Variants in ZMAT4 observed in about 807,000 individuals in gnomAD.
The protein encoded by ZMAT4 is zinc finger matrin-type 4.
ZMAT4 carries 17 observed loss-of-function variants against 28.7 expected under a neutral mutation model. That is an observed-to-expected ratio of 0.59 (90% CI 0.41 to 0.89). The LOEUF is 0.89. ZMAT4 is among the 40% of genes least tolerant of loss of function. The probability of loss-of-function intolerance (pLI) is 0.00; values close to 1 mark genes in which losing one functional copy is unlikely to be tolerated. For synonymous variants in ZMAT4, 117 were observed against 109.2 expected (o/e 1.07, Z -0.44); for missense variants, 240 against 283.8 (o/e 0.85, Z 1.11).
At chr8:40,878,265 C>T (rs1395530934) in intron 1 of ZMAT4, among the ~76,000 whole-genome samples, 3 of 152,144 alleles carry the variant, frequency 2.0e-5, no homozygotes, top group Non-Finnish European at 4.4e-5. Flanking sequence ...AACCTGTCCC[C>T]CCAGTCCTCA....
intron 3 of ZMAT4, among the ~76,000 whole-genome samples, chr8:40,766,511 A>T (rs1202292633): frequency 3.9e-5 from 6 of 152,206 alleles, no homozygotes; most frequent in Non-Finnish European, 8.8e-5. Context: ...GCTAAAAAAA[A>T]ACTAGACTCA....
intron 5 of ZMAT4, among the ~76,000 whole-genome samples, chr8:40,610,639 T>G (rs941932398): frequency 3.9e-5 from 6 of 152,154 alleles, no homozygotes; most frequent in African/African-American, 1.4e-4. Context: ...TACAATTTAA[T>G]TCGGTTATCT....
At chr8:40,533,736 T>G (rs2118347597) in intron 6 of ZMAT4, among the ~76,000 whole-genome samples, 1 of 152,384 alleles carries the variant, frequency 6.6e-6, no homozygotes, top group Middle Eastern at 3.4e-3. Context: ...TTGAAATGTT[T>G]GAAATTTTGC....
intron 5 of ZMAT4, among the ~76,000 whole-genome samples, chr8:40,596,857 G>A (rs1016048445): frequency 6.6e-6 from 1 of 152,176 alleles, no homozygotes; most frequent in Non-Finnish European, 1.5e-5. Flanking sequence ...CTCCCACAGA[G>A]AGGACGAAGG....
intron 3 of ZMAT4, among the ~76,000 whole-genome samples, chr8:40,725,944 C>T (rs1404155392): frequency 2.0e-5 from 3 of 152,234 alleles, no homozygotes; most frequent in Non-Finnish European, 4.4e-5. Flanking sequence ...ATCGGACCAG[C>T]TAAGCCAGGA....
chr8:40,689,154 A>G (rs963571772), intron 4 of ZMAT4, among the ~76,000 whole-genome samples: 3 of 152,234 alleles, frequency 2.0e-5, no homozygotes, highest in East Asian at 1.9e-4. Flanking sequence ...GACTTGGCCC[A>G]TGAAGAAAAC....
chr8:40,793,738 T>C (rs1814463237), intron 2 of ZMAT4, among the ~76,000 whole-genome samples: 1 of 152,166 alleles, frequency 6.6e-6, no homozygotes, highest in African/African-American at 2.4e-5. Context: ...TCTATGTCGT[T>C]TGTCTAAGCC....
chr8:40,751,868 A>G (rs1256227223), intron 3 of ZMAT4, among the ~76,000 whole-genome samples: 1 of 152,224 alleles, frequency 6.6e-6, no homozygotes, highest in Non-Finnish European at 1.5e-5. Context: ...ATAGGGCAGT[A>G]TTATGAAAAT....
chr8:40,720,965 GTGTTT>G (rs1330679467), intron 3 of ZMAT4, among the ~76,000 whole-genome samples: 19 of 138,812 alleles, frequency 1.4e-4, no homozygotes, highest in African/African-American at 4.9e-4. Flanking sequence ...TTGTTTATTT[GTGTTT>G]TGTTTGTTTG....
intron 5 of ZMAT4, among the ~76,000 whole-genome samples, chr8:40,654,560 TCAA>T (rs1318395385): frequency 1.3e-5 from 2 of 152,064 alleles, no homozygotes; most frequent in African/African-American, 4.8e-5. Flanking sequence ...ATCAAAATTC[TCAA>T]CAAAATGCTA....
At chr8:40,826,492 C>T (rs1816049380) in intron 1 of ZMAT4, among the ~76,000 whole-genome samples, 1 of 152,138 alleles carries the variant, frequency 6.6e-6, no homozygotes, top group Non-Finnish European at 1.5e-5. Context: ...TCAACAATCA[C>T]ATATTACTTT....
intron 5 of ZMAT4, among the ~76,000 whole-genome samples, chr8:40,599,800 G>A (rs554251921): frequency 7.7e-4 from 118 of 152,326 alleles, no homozygotes; most frequent in South Asian, 2.5e-3. Context: ...TAAGGAGAGT[G>A]GTGGGAGGCA....
At chr8:40,722,326 T>C (rs1215996018) in intron 3 of ZMAT4, among the ~76,000 whole-genome samples, 1 of 152,204 alleles carries the variant, frequency 6.6e-6, no homozygotes, top group African/African-American at 2.4e-5. Context: ...GGTGGAGGTT[T>C]CCTACACCTT....
chr8:40,611,358 T>C (rs1458921035), intron 5 of ZMAT4, among the ~76,000 whole-genome samples: 6 of 143,388 alleles, frequency 4.2e-5, no homozygotes, highest in Non-Finnish European at 9.2e-5. Flanking sequence ...AGAAACTCAC[T>C]TTTTTTTTTT....
intron 2 of ZMAT4, among the ~76,000 whole-genome samples, chr8:40,792,149 A>G (rs1207130513): frequency 1.3e-5 from 2 of 151,994 alleles, no homozygotes; most frequent in Non-Finnish European, 2.9e-5. Flanking sequence ...AATATTCTAC[A>G]TTTCTGTATG....
chr8:40,850,499 G>A (rs968661213), intron 1 of ZMAT4, among the ~76,000 whole-genome samples: 1 of 152,128 alleles, frequency 6.6e-6, no homozygotes, highest in African/African-American at 2.4e-5. Flanking sequence ...ATGTGTTTTT[G>A]TCTAACTTCC....
rs141918731 is a variant in ZMAT4, at chr8:40,626,178, T to C, written c.578-44917A>G. On this transcript the variant is annotated intron_variant, in intron 5 of 6. Coordinates refer to ENST00000297737, the MANE Select transcript of ZMAT4 (RefSeq NM_024645.3). ...GGTAAATAAGAGCATGAGGGAGATG[T>C]ATACAAAGAAAAGAGCAGATGACTA... 2.6e-3 allele frequency among the ~76,000 whole-genome samples: 395 copies of C among 149,420 alleles called. 3 individuals carry two copies. The highest frequency in any genetic ancestry group is 9.2e-3 in the African/African-American group (372 of 40,602).
intron 3 of ZMAT4, among the ~76,000 whole-genome samples, chr8:40,717,425 C>A (rs1810903411): frequency 6.6e-6 from 1 of 152,108 alleles, no homozygotes; most frequent in Admixed American, 6.5e-5. Flanking sequence ...GAGGTCCAGG[C>A]AGGAGGATTG....
intron 1 of ZMAT4, among the ~76,000 whole-genome samples, chr8:40,864,946 T>G (rs1263541532): frequency 6.6e-6 from 1 of 152,222 alleles, no homozygotes. Context: ...AAATGCTTAC[T>G]GAAATTCTTC....
Sources: gnomAD v4.1 joint callset for allele counts (sites outside exome capture counted in the v4.1 genomes callset) on GRCh38, gnomAD v4.1.1 for gene constraint, MANE v1.5 for transcripts, NCBI Gene and HGNC (gene_info 2026-07-23, HGNC 2026-07-21) for gene names.